Variants in FAF1 observed in about 807,000 individuals in gnomAD.
FAF1 encodes the protein Fas associated factor 1.
In FAF1, 25 loss-of-function variants were observed where a neutral mutation model predicts 92.5. The ratio of observed to expected loss-of-function variants is 0.27; its 90% CI spans 0.20 to 0.38. The LOEUF (loss-of-function observed/expected upper bound fraction) is 0.38, where lower values mean the gene tolerates loss of function less well. Ranked by LOEUF, FAF1 falls within the 10% of genes least tolerant of loss-of-function variation. The pLI is 1.00. For synonymous variants in FAF1, 234 were observed against 273.2 expected (o/e 0.86, Z 1.42); for missense variants, 636 against 793.3 (o/e 0.80, Z 2.38).
At chr1:50,777,239 C>T (rs1191980160) in intron 4 of FAF1, among the ~76,000 whole-genome samples, 1 of 151,790 alleles carries the variant, frequency 6.6e-6, no homozygotes, top group African/African-American at 2.4e-5. Context: ...AAATGAGACC[C>T]CATTTCTTCA....
chr1:50,701,927 G>A (rs985893249), intron 7 of FAF1, among the ~76,000 whole-genome samples: 1 of 152,080 alleles, frequency 6.6e-6, no homozygotes, highest in Admixed American at 6.6e-5. Context: ...AAACTTGGAA[G>A]AGGATTTAAA....
chr1:50,457,774 T>C (rs1451435136), intron 18 of FAF1, among the ~76,000 whole-genome samples: 1 of 128,856 alleles, frequency 7.8e-6, no homozygotes, highest in Non-Finnish European at 1.6e-5. Context: ...CATGGTGGTG[T>C]GCACTTATAG....
intron 2 of FAF1, among the ~76,000 whole-genome samples, chr1:50,832,472 C>T (rs112036959): frequency 0.014 from 2,118 of 152,228 alleles, 47 homozygotes; most frequent in African/African-American, 0.047. Flanking sequence ...GCCAATAGCA[C>T]CCTCAGAGTA....
intron 1 of FAF1, among the ~76,000 whole-genome samples, chr1:50,931,558 C>T (rs149670054): frequency 1.7e-3 from 259 of 152,158 alleles, no homozygotes; most frequent in Admixed American, 4.5e-3. Flanking sequence ...TCTCAAGAGA[C>T]TTATTCACTA....
chr1:50,825,968 T>C (rs954415493), intron 2 of FAF1, among the ~76,000 whole-genome samples: 1 of 152,158 alleles, frequency 6.6e-6, no homozygotes, highest in Non-Finnish European at 1.5e-5. Flanking sequence ...TAAATTAATG[T>C]TTAATAATGA....
chr1:50,619,105 C>T (rs972333571), intron 8 of FAF1, among the ~76,000 whole-genome samples: 1 of 152,148 alleles, frequency 6.6e-6, no homozygotes, highest in Non-Finnish European at 1.5e-5. Context: ...TTCTCCATCC[C>T]TTTACTTTGA....
At chr1:50,637,681 A>ATATATGTGTGTGTG (rs1553123409) in intron 8 of FAF1, among the ~76,000 whole-genome samples, 1 of 137,098 alleles carries the variant, frequency 7.3e-6, no homozygotes, top group South Asian at 2.4e-4. Context: ...ACATATATAT[A>ATATATGTGTGTGTG]TGTGTGTGTG....
At chr1:50,762,618 G>A (rs1660373732) in intron 4 of FAF1, among the ~76,000 whole-genome samples, 1 of 152,166 alleles carries the variant, frequency 6.6e-6, no homozygotes, top group Non-Finnish European at 1.5e-5. Context: ...AAATGGTGCT[G>A]GGAAAACTGG....
At position 50,724,617 on chromosome 1, in the gene FAF1, A is replaced by T. The variant is rs1287893439; in HGVS notation, c.551+14246T>A. Among the ~76,000 whole-genome samples, 3 of 152,250 alleles carry T rather than the reference A, an allele frequency of 2.0e-5. No homozygotes were observed. In the East Asian group the frequency reaches 5.8e-4, roughly 29 times the overall value. ...TCTGCCCATGATGATTCTCCCCACA[A>T]GGGTAGAGTTTAAATGAGAAAATAT... On this transcript the variant is annotated intron_variant, in intron 6 of 18. Transcript: ENST00000396153.
At chr1:50,883,439 T>C (rs896785065) in intron 1 of FAF1, among the ~76,000 whole-genome samples, 6 of 152,198 alleles carry the variant, frequency 3.9e-5, no homozygotes, top group Admixed American at 3.9e-4. Context: ...CCTTCTGGTA[T>C]ACGATATAAA....
chr1:50,604,543 T>G (rs756955957), intron 8 of FAF1, among the ~76,000 whole-genome samples: 128 of 152,336 alleles, frequency 8.4e-4, no homozygotes, highest in Middle Eastern at 6.8e-3. Context: ...AGTCTTGCTT[T>G]GTTACCCAGA....
intron 9 of FAF1, among the ~76,000 whole-genome samples, chr1:50,593,323 A>T (rs1268113539): frequency 6.6e-6 from 1 of 152,174 alleles, no homozygotes; most frequent in Non-Finnish European, 1.5e-5. Context: ...TAACACATAT[A>T]ATAGTGAGGG....
At chr1:50,827,550 T>G (rs1367157980) in intron 2 of FAF1, among the ~76,000 whole-genome samples, 4 of 152,146 alleles carry the variant, frequency 2.6e-5, no homozygotes, top group African/African-American at 9.7e-5. Flanking sequence ...CGTGTTTATC[T>G]GCTGACCTTC....
Position 50,960,031 on chromosome 1 carries a change from G to A in FAF1, c.-220C>T. Reference sequence around the variant, plus strand: ...CTTCAGGCGCCCCGGCCGCCCGCCTGCAACCTGCGGAGCCCGCGTCGCAGC... The same window carrying A: ...CTTCAGGCGCCCCGGCCGCCCGCCTACAACCTGCGGAGCCCGCGTCGCAGC... On this transcript the variant is annotated 5_prime_UTR_variant, in exon 1 of 19. Coordinates refer to ENST00000396153, the MANE Select transcript of FAF1 (RefSeq NM_007051.3). The A allele has an allele frequency of 2.5e-6, 1 of 395,544 alleles. No individual in the cohort carries two copies. Among genetic ancestry groups the A allele is most frequent in the South Asian group, 1.3e-4 (1 of 7,852 alleles). 24.5% of individuals were successfully genotyped at this position (395,544 alleles called of 1,614,324 possible). A position where few individuals can be genotyped will look rare whatever the true frequency, so the allele number is the denominator to read the frequency against.
chr1:50,450,481 C>T (rs906801151), intron 18 of FAF1, among the ~76,000 whole-genome samples: 8 of 152,142 alleles, frequency 5.3e-5, no homozygotes, highest in South Asian at 2.1e-4. Flanking sequence ...TACTTCTAAA[C>T]GGAGGACAGT....
intron 1 of FAF1, among the ~76,000 whole-genome samples, chr1:50,892,560 C>T (rs1354798095): frequency 2.6e-5 from 4 of 152,202 alleles, no homozygotes; most frequent in African/African-American, 9.6e-5. Context: ...AACTCTGCTG[C>T]CAGACATGCT....
At chr1:50,738,261 T>C (rs903651063) in intron 6 of FAF1, among the ~76,000 whole-genome samples, 26 of 151,920 alleles carry the variant, frequency 1.7e-4, no homozygotes, top group Admixed American at 1.4e-3. Context: ...CCGACCAACA[T>C]GGAGAAACCC....
intron 4 of FAF1, among the ~76,000 whole-genome samples, chr1:50,779,061 T>C (rs75971201): frequency 1.3e-5 from 2 of 152,190 alleles, no homozygotes; most frequent in Non-Finnish European, 2.9e-5. Flanking sequence ...TGTTTATGCA[T>C]AGCGTCTTCA....
chr1:50,497,846 G>C (rs72898951), intron 15 of FAF1, among the ~76,000 whole-genome samples: 24,009 of 151,680 alleles, frequency 0.16, 2,862 homozygotes, highest in African/African-American at 0.34. Context: ...CCGCGCCCGG[G>C]CTCAAAACTC....
Sources: gnomAD v4.1 joint callset for allele counts (sites outside exome capture counted in the v4.1 genomes callset) on GRCh38, gnomAD v4.1.1 for gene constraint, MANE v1.5 for transcripts, NCBI Gene and HGNC (gene_info 2026-07-23, HGNC 2026-07-21) for gene names.